Variants in RBFOX1 observed in about 807,000 individuals in gnomAD.
RBFOX1 encodes RNA binding protein fox-1 homolog 1.
Under a neutral mutation model 57.7 loss-of-function variants are expected in RBFOX1, and 8 were observed. The observed-to-expected ratio is 0.14, with a 90% CI of 0.08 to 0.25. The LOEUF (loss-of-function observed/expected upper bound fraction) is 0.25. RBFOX1 is among the 10% of genes least tolerant of loss of function. The pLI, the probability that RBFOX1 is intolerant of heterozygous loss-of-function variation, is 1.00. For missense variants in RBFOX1, 611 were observed against 548.5 expected (o/e 1.11, Z -1.14); for synonymous variants, 326 against 222.4 (o/e 1.47, Z -4.15).
chr16:6,580,203 C>G (rs570684580), intron 2 of RBFOX1, among the ~76,000 whole-genome samples: 2 of 152,134 alleles, frequency 1.3e-5, no homozygotes, highest in South Asian at 2.1e-4. Flanking sequence ...ATAATCTGCC[C>G]TCCTCAGCCT....
intron 1 of RBFOX1, among the ~76,000 whole-genome samples, chr16:6,147,392 C>G (rs1408358545): frequency 6.6e-6 from 1 of 152,162 alleles, no homozygotes; most frequent in African/African-American, 2.4e-5. Flanking sequence ...GTCCCAAGCA[C>G]CCGGGAGCAT....
chr16:6,848,554 A>T (rs34247964), intron 3 of RBFOX1, among the ~76,000 whole-genome samples: 4 of 151,840 alleles, frequency 2.6e-5, no homozygotes, highest in African/African-American at 9.7e-5. Context: ...GAAAAAGAAA[A>T]GAAGAGATAG....
At chr16:7,423,005 G>T (rs548068349) in intron 4 of RBFOX1, 1 of 151,934 alleles carries the variant, frequency 6.6e-6, no homozygotes, top group Non-Finnish European at 1.5e-5. Context: ...ACCCAACCTC[G>T]TGCCGGCTGG....
At chr16:6,800,154 C>A in intron 3 of RBFOX1, among the ~76,000 whole-genome samples, 1 of 152,216 alleles carries the variant, frequency 6.6e-6, no homozygotes, top group Admixed American at 6.5e-5. Flanking sequence ...GGGCCAATTT[C>A]TTTGCGACAT....
At chr16:6,612,379 GT>G (rs2098073652) in intron 2 of RBFOX1, among the ~76,000 whole-genome samples, 1 of 152,102 alleles carries the variant, frequency 6.6e-6, no homozygotes, top group Admixed American at 6.5e-5. Context: ...GCTTTTAAAA[GT>G]AGTAAATAAA....
At chr16:5,844,856 C>T (rs577149748) in intron 3 of RBFOX1, among the ~76,000 whole-genome samples, 9 of 152,194 alleles carry the variant, frequency 5.9e-5, no homozygotes, top group African/African-American at 1.7e-4. Context: ...GTAATTAGGG[C>T]CTTGTAATGA....
chr16:7,479,550 C>T (rs914154450), intron 4 of RBFOX1, among the ~76,000 whole-genome samples: 4 of 152,150 alleles, frequency 2.6e-5, no homozygotes, highest in Non-Finnish European at 4.4e-5. Context: ...TGCCTTTTCC[C>T]GGGTGAAGGT....
chr16:5,999,205 A>G (rs1567237854), intron 4 of RBFOX1, among the ~76,000 whole-genome samples: 3 of 152,050 alleles, frequency 2.0e-5, no homozygotes, highest in Non-Finnish European at 4.4e-5. Context: ...CCTTTCCATT[A>G]TTTACTCACC....
At chr16:6,829,787 A>C (rs1603629850) in intron 3 of RBFOX1, among the ~76,000 whole-genome samples, 1 of 150,196 alleles carries the variant, frequency 6.7e-6, no homozygotes, top group Admixed American at 7.4e-5. Context: ...TTTGTAGTAG[A>C]AATAGGATTT....
At chr16:7,170,233 A>G (rs2080414695) in intron 4 of RBFOX1, among the ~76,000 whole-genome samples, 1 of 152,162 alleles carries the variant, frequency 6.6e-6, no homozygotes, top group Non-Finnish European at 1.5e-5. Context: ...TAGCAATAAT[A>G]ACAGTAACAA....
exon 3 of RBFOX1, chr16:5,599,106 A>C (rs1036859139): frequency 1.2e-6 from 1 of 832,172 alleles, no homozygotes; most frequent in Admixed American, 2.0e-5. Context: ...GTTTGAGGGG[A>C]ATAAATTTTC....
At chr16:6,234,846 C>T (rs1472687162) in intron 1 of RBFOX1, among the ~76,000 whole-genome samples, 1 of 152,148 alleles carries the variant, frequency 6.6e-6, no homozygotes, top group East Asian at 1.9e-4. Context: ...GGCACACATG[C>T]AGTGAAATGT....
At chr16:7,465,149 A>T (rs1297810262) in intron 4 of RBFOX1, among the ~76,000 whole-genome samples, 1 of 152,022 alleles carries the variant, frequency 6.6e-6, no homozygotes. Flanking sequence ...TGCATATTTT[A>T]CTTTTTCCAC....
chr16:7,096,929 C>G (rs181714221), intron 4 of RBFOX1, among the ~76,000 whole-genome samples: 997 of 34,242 alleles, frequency 0.029, 12 homozygotes, highest in South Asian at 0.053. Flanking sequence ...GAGACTCCAT[C>G]TCAAAAAAAA....
chr16:5,873,116 T>C (rs770082056), intron 4 of RBFOX1, among the ~76,000 whole-genome samples: 12 of 152,140 alleles, frequency 7.9e-5, no homozygotes, highest in Non-Finnish European at 1.2e-4. Flanking sequence ...TGCCACTGCA[T>C]AGTCCAGCCT....
chr16:7,385,611 C>T lies in RBFOX1; in HGVS notation c.28-132536C>T, dbSNP rs1401163329. 2.0e-5 allele frequency among the ~76,000 whole-genome samples: 3 copies of T among 152,218 alleles called. No individual in the cohort carries two copies. The East Asian group carries it at 5.8e-4, about 29-fold the overall frequency. ...GATGGAAGATAGATTAGGTGGTGGT[C>T]ATCTCATTTGGGCGTTGAAACTTGT... On this transcript the variant is annotated intron_variant, in intron 4 of 15. Coordinates refer to ENST00000550418, the MANE Select transcript of RBFOX1 (RefSeq NM_018723.4).
chr16:6,998,571 T>C (rs1031630817), intron 3 of RBFOX1, among the ~76,000 whole-genome samples: 2 of 152,180 alleles, frequency 1.3e-5, no homozygotes, highest in Admixed American at 6.5e-5. Flanking sequence ...AGAACCAAAA[T>C]AGGATTTTAA....
chr16:6,280,578 C>T (rs1304506195), intron 1 of RBFOX1, among the ~76,000 whole-genome samples: 2 of 152,070 alleles, frequency 1.3e-5, no homozygotes, highest in Non-Finnish European at 2.9e-5. Context: ...CACACAGGCA[C>T]TTAGACAATG....
At chr16:6,760,137 GA>G (rs200209116) in intron 3 of RBFOX1, among the ~76,000 whole-genome samples, 14 of 150,726 alleles carry the variant, frequency 9.3e-5, no homozygotes, top group South Asian at 2.1e-4. Flanking sequence ...GTTTTCTTAA[GA>G]AAAAAAAATG....
Sources: allele counts gnomAD v4.1 joint callset (sites outside exome capture counted in the v4.1 genomes callset), GRCh38; gene constraint gnomAD v4.1.1; transcripts MANE v1.5; gene names NCBI Gene and HGNC (gene_info 2026-07-23, HGNC 2026-07-21).